Variants in DNAH14 observed in about 807,000 individuals in gnomAD.
DNAH14 encodes the protein dynein axonemal heavy chain 14.
A neutral mutation model predicts 520.9 loss-of-function variants in DNAH14; 478 were observed. The ratio of observed to expected loss-of-function variants is 0.92; its 90% CI spans 0.85 to 0.99. The LOEUF (loss-of-function observed/expected upper bound fraction) is 0.99. Ranked by LOEUF, DNAH14 falls within the 50% of genes least tolerant of loss-of-function variation. The probability of loss-of-function intolerance (pLI) is 0.00; values close to 1 mark genes in which losing one functional copy is unlikely to be tolerated. For synonymous variants in DNAH14, 1,581 were observed against 1,757.2 expected (o/e 0.90, Z 2.51); for missense variants, 4,831 against 5,234.5 (o/e 0.92, Z 2.38).
At chr1:225,104,356 T>C (rs1436676416) in intron 23 of DNAH14, among the ~76,000 whole-genome samples, 1 of 152,196 alleles carries the variant, frequency 6.6e-6, no homozygotes, top group South Asian at 2.1e-4. Context: ...CTTTTTTTGT[T>C]GTGTCTCTGT....
At chr1:225,272,777 C>G (rs2093348677) in intron 51 of DNAH14, among the ~76,000 whole-genome samples, 178 bp from the exon 52 acceptor site, 1 of 152,146 alleles carries the variant, frequency 6.6e-6, no homozygotes, top group African/African-American at 2.4e-5. Context: ...TTTTCCCTAT[C>G]TTATCACTTT....
chr1:225,347,369 A>G (rs1017564997), intron 71 of DNAH14, among the ~76,000 whole-genome samples: 1 of 152,128 alleles, frequency 6.6e-6, no homozygotes, highest in Admixed American at 6.5e-5. Context: ...AGGGGTAGGA[A>G]ATTTTGCATC....
In DNAH14 at chr1:225,330,279, A is replaced by G. The variant is rs140889670; in HGVS notation, c.9724-1158A>G. 4.7e-3 allele frequency among the ~76,000 whole-genome samples: 722 copies of G among 152,330 alleles called. 3 individuals are homozygous for G. Among genetic ancestry groups the G allele is most frequent in the Non-Finnish European group, 7.3e-3 (499 of 68,018 alleles). On this transcript the variant is annotated intron_variant, in intron 64 of 85. Coordinates refer to ENST00000682510, the MANE Select transcript of DNAH14 (RefSeq NM_001367479.1). ...AAAAAACTAAAAATAGAGCTACCAT[A>G]TGATCCAGCAATTCTACTGCTGGGT...
rs566364646 is a variant in DNAH14, at chr1:225,317,573, T to A, written c.9241-1010T>A. On this transcript the variant is annotated intron_variant, in intron 60 of 85. Coordinates refer to ENST00000682510, the MANE Select transcript of DNAH14 (RefSeq NM_001367479.1). ...TTGCCAAATGCAGTAAGTATTTCTT[T>A]AAAACCCAGGAATTCTGATGAATTT... Among the ~76,000 whole-genome samples the A allele has an allele frequency of 3.3e-5, 5 of 152,212 alleles. No individual in the cohort carries two copies. The East Asian group carries it at 5.8e-4, about 18-fold the overall frequency.
At chr1:225,020,858 A>G (rs2065634266) in intron 10 of DNAH14, among the ~76,000 whole-genome samples, 1 of 152,192 alleles carries the variant, frequency 6.6e-6, no homozygotes, top group African/African-American at 2.4e-5. Flanking sequence ...AGACACAACA[A>G]GAAAAGAAAA....
At chr1:225,127,618 G>C (rs1276016256) in intron 27 of DNAH14, among the ~76,000 whole-genome samples, 1 of 151,996 alleles carries the variant, frequency 6.6e-6, no homozygotes, top group South Asian at 2.1e-4. Context: ...ACGTGAGATG[G>C]GTTTCCTGAA....
At chr1:225,368,931 G>A (rs2095584503) in intron 77 of DNAH14, among the ~76,000 whole-genome samples, 1 of 152,130 alleles carries the variant, frequency 6.6e-6, no homozygotes, top group African/African-American at 2.4e-5. Context: ...TTATTTAAAA[G>A]TATAAGCTCA....
At chr1:225,278,269 T>C (rs2093540466) in intron 54 of DNAH14, among the ~76,000 whole-genome samples, 1 of 152,234 alleles carries the variant, frequency 6.6e-6, no homozygotes, top group Admixed American at 6.5e-5. Flanking sequence ...TCATAAATGG[T>C]ATCACCATAT....
Position 225,144,641 on chromosome 1 carries a change from T to G in DNAH14, c.4740+13T>G. ...AGATCTAGCAAAAGTAAGTGGTTTC[T>G]GTATCCAGAATAAAAACTTTTTTCT... On this transcript the variant is annotated intron_variant, in intron 29 of 85. Transcript: ENST00000682510. 3.2e-6 allele frequency: 5 copies of G among 1,538,554 alleles called. No homozygotes were observed. The highest frequency in any genetic ancestry group is 4.4e-6 in the Non-Finnish European group (5 of 1,139,110).
intron 27 of DNAH14, among the ~76,000 whole-genome samples, chr1:225,135,061 T>C (rs571947434): frequency 6.6e-6 from 1 of 152,290 alleles, no homozygotes; most frequent in South Asian, 2.1e-4. Flanking sequence ...TCTTCTGTCT[T>C]TTCATCTTTA....
intron 38 of DNAH14, among the ~76,000 whole-genome samples, chr1:225,200,309 A>G (rs911906912): frequency 3.3e-5 from 5 of 152,166 alleles, no homozygotes; most frequent in African/African-American, 1.2e-4. Context: ...TAAGTGGAGC[A>G]TTTAGGCCAT....
intron 21 of DNAH14, among the ~76,000 whole-genome samples, chr1:225,091,531 C>T (rs2074393083): frequency 6.6e-6 from 1 of 152,092 alleles, no homozygotes; most frequent in Non-Finnish European, 1.5e-5. Context: ...CAAGCAAATG[C>T]TGAGGGAATT....
chr1:225,195,455 G>A (rs1360224780), intron 38 of DNAH14, among the ~76,000 whole-genome samples: 1 of 151,566 alleles, frequency 6.6e-6, no homozygotes, highest in Non-Finnish European at 1.5e-5. Context: ...GCTAAACATT[G>A]ACTACACATG....
chr1:225,230,579 A>G (rs978919708), intron 41 of DNAH14, among the ~76,000 whole-genome samples: 6 of 152,156 alleles, frequency 3.9e-5, no homozygotes, highest in Non-Finnish European at 7.4e-5. Context: ...TTAGTTGGAC[A>G]AAAAAGGTGG....
At chr1:225,230,677 T>A (rs1408728731) in intron 41 of DNAH14, among the ~76,000 whole-genome samples, 2 of 152,130 alleles carry the variant, frequency 1.3e-5, no homozygotes, top group Non-Finnish European at 2.9e-5. Context: ...CTTGAAAGCA[T>A]GCAGCTTCTT....
intron 1 of DNAH14, among the ~76,000 whole-genome samples, chr1:224,933,550 T>C (rs543155241): frequency 5.3e-5 from 8 of 152,258 alleles, no homozygotes; most frequent in African/African-American, 1.9e-4. Flanking sequence ...TTCAGTATGA[T>C]GTTAGCTGTG....
In DNAH14 at chr1:225,159,367, C is replaced by T; in HGVS notation, c.5327C>T (p.Ala1776Val). The T allele has an allele frequency of 6.4e-7, 1 of 1,551,584 alleles. No homozygotes were observed. The highest frequency in any genetic ancestry group is 8.7e-7 in the Non-Finnish European group (1 of 1,146,818). Residue 1776 changes from alanine (A) to valine (V), a missense_variant, in exon 35 of 86, where the codon GCT becomes GTT. Ala to Val is a moderately conservative substitution (Grantham distance 64). Transcript: ENST00000682510. Reference protein sequence around the residue: ...EADETLIVIEAIREASLPKCP... With the variant: ...EADETLIVIEVIREASLPKCP... ...GATGAAACCTTGATTGTTATCGAGG[C>T]TATAAGAGAAGCTAGTTTGCCAAAA...
intron 15 of DNAH14, among the ~76,000 whole-genome samples, chr1:225,047,940 G>T (rs1170082288): frequency 6.6e-6 from 1 of 152,076 alleles, no homozygotes; most frequent in Non-Finnish European, 1.5e-5. Flanking sequence ...CTTATATAAA[G>T]TACAATTTTC....
chr1:225,095,631 C>T (rs2074893006), intron 21 of DNAH14, among the ~76,000 whole-genome samples: 1 of 152,100 alleles, frequency 6.6e-6, no homozygotes, highest in East Asian at 1.9e-4. Context: ...TGCACATGTA[C>T]TCCTGAACCT....
Sources: gnomAD v4.1 joint callset for allele counts (sites outside exome capture counted in the v4.1 genomes callset) on GRCh38, gnomAD v4.1.1 for gene constraint, MANE v1.5 for transcripts, NCBI Gene and HGNC (gene_info 2026-07-23, HGNC 2026-07-21) for gene names.